Variants in VDAC1 observed in about 807,000 individuals in gnomAD.
VDAC1 encodes the protein non-selective voltage-gated ion channel VDAC1.
Under a neutral mutation model 34.7 loss-of-function variants are expected in VDAC1, and 10 were observed. The observed-to-expected ratio is 0.29, with a 90% CI of 0.18 to 0.49. The LOEUF is 0.49. Ranked by LOEUF, VDAC1 falls within the 20% of genes least tolerant of loss-of-function variation. The probability of loss-of-function intolerance (pLI) is 0.99; values close to 1 mark genes in which losing one functional copy is unlikely to be tolerated. For missense variants in VDAC1, 230 were observed against 347.9 expected, an observed-to-expected ratio of 0.66 and a Z score of 2.69; for synonymous variants, 130 against 136.0, an observed-to-expected ratio of 0.96 and a Z score of 0.30.
At chr5:133,999,332 G>A (rs1753449619) in intron 1 of VDAC1, among the ~76,000 whole-genome samples, 1 of 152,154 alleles carries the variant, frequency 6.6e-6, no homozygotes, top group South Asian at 2.1e-4. Flanking sequence ...GTTGTTACAA[G>A]GAATGAGTGA....
chr5:134,091,887 C>A, the VDAC1 span, among the ~76,000 whole-genome samples: 2 of 152,300 alleles, frequency 1.3e-5, no homozygotes, highest in East Asian at 3.9e-4. Flanking sequence ...ATGAATAAGC[C>A]CACGCAGGCT....
chr5:134,112,535 G>A, the VDAC1 span, among the ~76,000 whole-genome samples: 7 of 152,304 alleles, frequency 4.6e-5, no homozygotes, highest in East Asian at 1.4e-3. Flanking sequence ...GCAGGGTGGG[G>A]AGTTGGAGCT....
At chr5:134,007,082 A>ATTAT (rs1753768605), upstream of VDAC1, among the ~76,000 whole-genome samples, 1 of 152,008 alleles carries the variant, frequency 6.6e-6, no homozygotes, top group Admixed American at 6.5e-5. Context: ...CGTCTCTACT[A>ATTAT]AAAATACAAA....
the VDAC1 span, among the ~76,000 whole-genome samples, chr5:134,033,736 T>C: frequency 6.6e-6 from 1 of 150,424 alleles, no homozygotes; most frequent in African/African-American, 2.4e-5. Flanking sequence ...CTCACGCCTG[T>C]AATCCCACCA....
chr5:133,976,161 C>T (rs1353814006), intron 6 of VDAC1, 140 bp from the exon 7 acceptor site: 1 of 964,860 alleles, frequency 1.0e-6, no homozygotes, highest in Non-Finnish European at 1.5e-6. Flanking sequence ...GTCAGAAGTT[C>T]ACCAAATTTC....
At chr5:133,977,400 T>C (rs1304938730) in intron 6 of VDAC1, among the ~76,000 whole-genome samples, 1 of 152,174 alleles carries the variant, frequency 6.6e-6, no homozygotes, top group African/African-American at 2.4e-5. Context: ...CTGGCCAAGC[T>C]CCCTCCTCTC....
chr5:134,086,137 A>G, the VDAC1 span, among the ~76,000 whole-genome samples: 1 of 152,242 alleles, frequency 6.6e-6, no homozygotes, highest in Non-Finnish European at 1.5e-5. Flanking sequence ...CAGAGGTTGC[A>G]GTGAGCCAAG....
chr5:134,005,222 C>T (rs1173290027), upstream of VDAC1: 1 of 152,214 alleles, frequency 6.6e-6, no homozygotes, highest in Non-Finnish European at 1.5e-5. Flanking sequence ...TGGACCCAAG[C>T]CTCGCCTGGG....
the VDAC1 span, among the ~76,000 whole-genome samples, chr5:134,101,856 C>A: frequency 6.5e-4 from 99 of 152,314 alleles, 1 homozygote; most frequent in African/African-American, 2.3e-3. Context: ...GCTGCCAGGG[C>A]TCAGATGCAG....
the VDAC1 span, among the ~76,000 whole-genome samples, chr5:134,023,480 T>TAAA: frequency 0.26 from 35,661 of 134,970 alleles, 5,412 homozygotes; most frequent in Non-Finnish European, 0.34. Context: ...GAACTTAAAG[T>TAAA]AAAAAAAAAA....
chr5:134,071,020 G>A, the VDAC1 span, among the ~76,000 whole-genome samples: 1 of 152,188 alleles, frequency 6.6e-6, no homozygotes, highest in African/African-American at 2.4e-5. This position sits in a 1 kb window ranked among gnomAD's most constrained non-coding sequence, Gnocchi z 4.1. Context: ...ACCCCGCCCA[G>A]CAGAGGAACC....
chr5:134,045,991 CTT>C, the VDAC1 span, among the ~76,000 whole-genome samples: 84 of 143,924 alleles, frequency 5.8e-4, no homozygotes, highest in South Asian at 1.8e-3. Flanking sequence ...GGCAATTCTT[CTT>C]TTTTTTTTTT....
the VDAC1 span, among the ~76,000 whole-genome samples, chr5:134,077,145 C>T: frequency 5.0e-3 from 761 of 151,984 alleles, 9 homozygotes; most frequent in African/African-American, 0.018. Flanking sequence ...GGCGTGGTGG[C>T]GTGCACCTGT....
At chr5:134,107,820 C>A in the VDAC1 span, among the ~76,000 whole-genome samples, 4 of 152,352 alleles carry the variant, frequency 2.6e-5, no homozygotes, top group Admixed American at 2.6e-4. Context: ...CTTCCCAGCT[C>A]TTTGAGACAA....
chr5:134,082,182 TC>T, the VDAC1 span: 1 of 152,230 alleles, frequency 6.6e-6, no homozygotes, highest in Non-Finnish European at 1.5e-5. Context: ...TCTCCAGCAC[TC>T]CCAAGAGTTT....
At chr5:133,973,664 ACATATATC>A in intron 8 of VDAC1, 119 bp downstream of exon 8, 1 of 751,146 alleles carries the variant, frequency 1.3e-6, no homozygotes, top group Non-Finnish European at 2.2e-6. Context: ...ATTATACTTT[ACATATATC>A]CATTTATATA....
chr5:134,099,494 C>T, the VDAC1 span, among the ~76,000 whole-genome samples: 1 of 152,206 alleles, frequency 6.6e-6, no homozygotes, highest in Non-Finnish European at 1.5e-5. Context: ...TGCAGAGGGT[C>T]AGAGCATCAC....
At chr5:133,975,555 G>A (rs149718750) in intron 7 of VDAC1, among the ~76,000 whole-genome samples, 8,006 of 149,374 alleles carry the variant, frequency 0.054, 232 homozygotes, top group East Asian at 0.14. Context: ...CCGCCTCCCC[G>A]GTTCAAGCAA....
At chr5:134,098,169 C>CTTATTATTA in the VDAC1 span, among the ~76,000 whole-genome samples, 1,926 of 146,898 alleles carry the variant, frequency 0.013, 40 homozygotes, top group African/African-American at 0.043. Flanking sequence ...CCATGCCCTG[C>CTTATTATTA]TTATTATTAT....
Sources: allele counts gnomAD v4.1 joint callset (sites outside exome capture counted in the v4.1 genomes callset), GRCh38; gene constraint gnomAD v4.1.1; non-coding constraint Gnocchi (gnomAD v3.1); transcripts MANE v1.5; gene names NCBI Gene and HGNC (gene_info 2026-07-23, HGNC 2026-07-21).